POM121: variants seen among roughly 807,000 people sequenced by gnomAD.
POM121 encodes the protein nuclear envelope pore membrane protein POM 121.
A neutral mutation model predicts 81.3 loss-of-function variants in POM121; 32 were observed. The ratio of observed to expected loss-of-function variants is 0.39; its 90% confidence interval spans 0.30 to 0.53. The LOEUF is 0.53. POM121 is among the 20% of genes least tolerant of loss of function. POM121 has a pLI of 0.66. For missense variants in POM121, 1,138 were observed against 1,614.6 expected, an observed-to-expected ratio of 0.70 and a Z score of 5.06; for synonymous variants, 514 against 694.2, an observed-to-expected ratio of 0.74 and a Z score of 4.08.
intron 3 of POM121, among the ~76,000 whole-genome samples, chr7:72,894,626 G>GA (rs1365638069): frequency 0.01 from 234 of 23,300 alleles, 16 homozygotes; most frequent in African/African-American, 0.024. Context: ...GAGAGAGAGA[G>GA]GAGAGAGAGA....
At chr7:72,949,451 A>G (rs557730605), downstream of POM121, 7 of 1,583,166 alleles carry the variant, frequency 4.4e-6, no homozygotes, top group Non-Finnish European at 6.1e-6. Context: ...GTGGCCATGG[A>G]TGCCAGCCGC....
rs1484249161 is a variant in POM121 at position 72,946,394 on chromosome 7, C to G, written c.*160C>G. 8.4e-6 allele frequency: 12 copies of G among 1,431,942 alleles called. No homozygotes were observed. The African/African-American group carries it at 1.3e-4, about 16-fold the overall frequency. 88.7% of individuals were successfully genotyped at this position (1,431,942 alleles called of 1,614,324 possible). A position where few individuals can be genotyped will look rare whatever the true frequency, so the allele number is the denominator to read the frequency against. ...CAGTGGCAGCCCTGGGGCCCTTTCC[C>G]TTCTGGAGGAAGCACAAGCCTCAGG... On this transcript the variant is annotated 3_prime_UTR_variant, in exon 13 of 13. Transcript: ENST00000434423.
At chr7:72,921,046 G>C (rs1462104600), upstream of POM121, among the ~76,000 whole-genome samples, 1 of 152,140 alleles carries the variant, frequency 6.6e-6, no homozygotes, top group African/African-American at 2.4e-5. Context: ...GCCGAGTGTG[G>C]TGGCGGGTGC....
At chr7:72,882,357 G>C (rs560985568) in intron 1 of POM121, among the ~76,000 whole-genome samples, 1 of 152,068 alleles carries the variant, frequency 6.6e-6, no homozygotes, top group Non-Finnish European at 1.5e-5. Context: ...TTTGGGAGGC[G>C]ACACACACCG....
chr7:72,934,206 T>G lies in POM121; in HGVS notation c.1275+4095T>G, dbSNP rs549788739. On this transcript the variant is annotated intron_variant, in intron 5 of 12. Coordinates refer to ENST00000434423, the MANE Select transcript of POM121 (RefSeq NM_001387691.1). ...TTCAAGCAATTCCCCAGTCTCAGCC[T>G]CCCAAGTAGCTGGGATTACAGGCAC... Among the ~76,000 whole-genome samples, 26 of 151,678 alleles carry G rather than the reference T, an allele frequency of 1.7e-4. 1 individual carries two copies. In the South Asian group the frequency reaches 5.5e-3, roughly 32 times the overall value.
chr7:72,897,561 G>A (rs1409470646), intron 3 of POM121, among the ~76,000 whole-genome samples: 1 of 152,180 alleles, frequency 6.6e-6, no homozygotes, highest in Non-Finnish European at 1.5e-5. Flanking sequence ...TCAACTTAGT[G>A]TTTTTAAAAA....
At chr7:72,932,326 A>G (rs1796103353) in intron 5 of POM121, among the ~76,000 whole-genome samples, 1 of 151,700 alleles carries the variant, frequency 6.6e-6, no homozygotes, top group Admixed American at 6.6e-5. Context: ...CCACCTTCTA[A>G]CATTTAAGGT....
At chr7:72,908,297 C>T (rs1367056304) in intron 3 of POM121, among the ~76,000 whole-genome samples, 3 of 152,258 alleles carry the variant, frequency 2.0e-5, no homozygotes, top group South Asian at 2.1e-4. Flanking sequence ...CACATGTCGG[C>T]AGGTTCCGTG....
intron 4 of POM121, among the ~76,000 whole-genome samples, chr7:72,917,934 A>G (rs1794443036): frequency 2.0e-5 from 3 of 152,230 alleles, no homozygotes; most frequent in African/African-American, 4.8e-5. Context: ...TCACATGTCC[A>G]CTGGACAGGG....
At chr7:72,912,376 A>G (rs1793887617) in intron 3 of POM121, among the ~76,000 whole-genome samples, 1 of 152,236 alleles carries the variant, frequency 6.6e-6, no homozygotes, top group South Asian at 2.1e-4. Flanking sequence ...GAATGTAATG[A>G]AAAGAGACAC....
At chr7:72,910,963 T>G (rs1793746403) in intron 3 of POM121, among the ~76,000 whole-genome samples, 1 of 152,184 alleles carries the variant, frequency 6.6e-6, no homozygotes, top group South Asian at 2.1e-4. Context: ...TTGGTTTGAT[T>G]GATTGGATCG....
intron 3 of POM121, among the ~76,000 whole-genome samples, chr7:72,907,372 C>T (rs1258804078): frequency 8.6e-5 from 13 of 152,026 alleles, no homozygotes; most frequent in East Asian, 3.8e-4. Context: ...ATTTTGCTTT[C>T]GCCCATCAAA....
Position 72,925,493 on chromosome 7 carries a change from C to T in POM121, c.372C>T (p.Thr124=), listed in dbSNP as rs1554497049. 11 of 1,533,570 alleles carry T rather than the reference C, an allele frequency of 7.2e-6. No homozygotes were observed. Among genetic ancestry groups the T allele is most frequent in the Non-Finnish European group, 4.4e-6 (5 of 1,146,548 alleles). The allele number at this position is 1,533,570 out of a possible 1,614,324, so 95.0% of individuals were successfully genotyped here. A position where few individuals can be genotyped will look rare whatever the true frequency, so the allele number is the denominator to read the frequency against. Residue 124 remains threonine, a synonymous_variant, in exon 1 of 13, where the codon ACC becomes ACT. Coordinates refer to ENST00000434423, the MANE Select transcript of POM121 (RefSeq NM_001387691.1). Reference sequence around the variant, plus strand: ...ACGGAAACCTCCTAGAGCCGCGGACCCTGCTCGAAGGACCTGACCCTGCGG... The same window carrying T: ...ACGGAAACCTCCTAGAGCCGCGGACTCTGCTCGAAGGACCTGACCCTGCGG... ...TANGNLLEPR[T]LLEGPDPAEL...
At chr7:72,929,888 G>C (rs1376784212) in intron 4 of POM121, 52 bp from the exon 5 acceptor site, 3 of 1,502,034 alleles carry the variant, frequency 2.0e-6, no homozygotes, top group East Asian at 4.6e-5. Context: ...GGATGAAATC[G>C]TAAAAGAATT....
At chr7:72,920,114 C>A (rs1794659984), upstream of POM121, among the ~76,000 whole-genome samples, 1 of 151,988 alleles carries the variant, frequency 6.6e-6, no homozygotes, top group African/African-American at 2.4e-5. Flanking sequence ...ATTATTTCTT[C>A]TAATATTTTT....
chr7:72,931,721 C>T (rs1383677193), intron 5 of POM121, among the ~76,000 whole-genome samples: 1 of 152,066 alleles, frequency 6.6e-6, no homozygotes, highest in Non-Finnish European at 1.5e-5. Context: ...TAGGTGCCCG[C>T]CACCATGCCC....
chr7:72,943,560 A>G (rs1287121213), intron 11 of POM121, 38 bp downstream of exon 11: 1 of 1,592,388 alleles, frequency 6.3e-7, no homozygotes, highest in Middle Eastern at 2.3e-4. Context: ...CGGGCCGGAC[A>G]CTGAAAAGCT....
At chr7:72,919,258 G>A (rs1186152461) in intron 4 of POM121, among the ~76,000 whole-genome samples, 2 of 150,118 alleles carry the variant, frequency 1.3e-5, no homozygotes, top group Non-Finnish European at 3.0e-5. Context: ...TGGGAGCTTG[G>A]AGCTGTCTTA....
downstream of POM121, chr7:72,949,468 T>C (rs782760043): frequency 2.5e-5 from 40 of 1,582,592 alleles, no homozygotes; most frequent in South Asian, 4.1e-4. Flanking sequence ...CCGCCTGGCA[T>C]CCAGGTCAAA....
Sources: allele counts gnomAD v4.1 joint callset (sites outside exome capture counted in the v4.1 genomes callset), GRCh38; gene constraint gnomAD v4.1.1; transcripts MANE v1.5; gene names NCBI Gene and HGNC (gene_info 2026-07-23, HGNC 2026-07-21).